The following VWF variants were observed in gnomAD, a reference collection of about 807,000 sequenced individuals.
VWF encodes Factor VIII related antigen.
In VWF, 176 loss-of-function variants were observed where a neutral mutation model predicts 308.6. The observed-to-expected ratio is 0.57, with a 90% CI of 0.50 to 0.65. The LOEUF (loss-of-function observed/expected upper bound fraction) is 0.65, where lower values mean the gene tolerates loss of function less well. VWF is among the 30% of genes least tolerant of loss of function. VWF has a pLI of 0.00. For missense variants in VWF, 3,146 were observed against 3,648.2 expected (o/e 0.86, Z 3.55); for synonymous variants, 1,385 against 1,443.4 (o/e 0.96, Z 0.92).
Position 6,071,314 on chromosome 12 carries a change from C to T in VWF, c.1139G>A (p.Ser380Asn), listed in dbSNP as rs750901816. Residue 380 changes from serine to asparagine, a missense_variant, in exon 10 of 52, where the codon AGC becomes AAC. Ser to Asn is a conservative substitution (Grantham distance 46). Around this residue, in one of 3 missense-constraint regions of VWF, gnomAD observed 1,304 missense variants for 1,353.0 expected, o/e 0.96. Transcript: ENST00000261405. ...CICRNSQWICSNEECPGECLV... is the reference protein window; with the variant it reads ...CICRNSQWICNNEECPGECLV... Reference sequence around the variant, plus strand: ...TCGCCTACCTGGACATTCTTCATTGCTGCAGATCCACTGGCTGTTTCGGCA... The same window carrying T: ...TCGCCTACCTGGACATTCTTCATTGTTGCAGATCCACTGGCTGTTTCGGCA... 7 of 1,614,078 alleles carry T rather than the reference C, an allele frequency of 4.3e-6. No individual in the cohort carries two copies. The highest frequency in any genetic ancestry group is 3.4e-6 in the Non-Finnish European group (4 of 1,180,048).
At chr12:6,056,026 AC>A (rs1944574999) in intron 15 of VWF, among the ~76,000 whole-genome samples, 1 of 151,680 alleles carries the variant, frequency 6.6e-6, no homozygotes, top group South Asian at 2.1e-4. Context: ...CTATGATTCT[AC>A]CATTGGAAAC....
At chr12:6,113,297 C>CTT (rs56714638) in intron 3 of VWF, among the ~76,000 whole-genome samples, 26 of 138,830 alleles carry the variant, frequency 1.9e-4, no homozygotes, top group Admixed American at 3.6e-4. Flanking sequence ...CGTAGAGAAA[C>CTT]TTTTTTTTTT....
At chr12:6,122,205 C>T (rs1311167975) in intron 2 of VWF, among the ~76,000 whole-genome samples, 1 of 152,142 alleles carries the variant, frequency 6.6e-6, no homozygotes, top group African/African-American at 2.4e-5. Context: ...TTATATTTTG[C>T]ATCTGAATGT....
At chr12:5,968,298 C>G in intron 45 of VWF, 131 bp from the exon 46 acceptor site, 2 of 1,136,248 alleles carry the variant, frequency 1.8e-6, no homozygotes, top group Non-Finnish European at 2.5e-6. Context: ...CCCTTTCCCC[C>G]CACCCCACAA....
chr12:5,967,678 T>C, intron 46 of VWF, 76 bp from the exon 47 acceptor site: 1 of 1,303,438 alleles, frequency 7.7e-7, no homozygotes, highest in Non-Finnish European at 1.1e-6. Context: ...ATACCCTGTC[T>C]CCTGCCCACC....
rs373780244 is a variant in VWF at position 6,034,711 on chromosome 12, C to G, written c.2662G>C (p.Glu888Gln). 6 of 1,614,000 alleles carry G rather than the reference C, an allele frequency of 3.7e-6. No homozygotes were observed. In the African/African-American group the frequency reaches 8.0e-5, roughly 22 times the overall value. Reference protein sequence around the residue: ...FDGLKYLFPGECQYVLVQDYC... With the variant: ...FDGLKYLFPGQCQYVLVQDYC... The stretch of plus-strand genomic sequence containing the variant: ...ACCTGCACCAGAACGTACTGGCACT[C>G]CCCGGGGAACAGGTATTTGAGCCCG... Residue 888 changes from glutamate to glutamine, a missense_variant, in exon 20 of 52, where the codon GAG (glutamate) becomes CAG (glutamine). Physicochemically the swap from Glu to Gln is conservative, Grantham distance 29. Coordinates refer to ENST00000261405, the MANE Select transcript of VWF (RefSeq NM_000552.5).
chr12:6,004,786 TAAAG>T (rs1943909382), intron 34 of VWF, among the ~76,000 whole-genome samples: 1 of 151,708 alleles, frequency 6.6e-6, no homozygotes, highest in African/African-American at 2.4e-5. Context: ...AATAAGTAGT[TAAAG>T]AACATAATGG....
intron 27 of VWF, chr12:6,021,524 C>T (rs1205139799): frequency 4.8e-6 from 1 of 206,986 alleles, no homozygotes; most frequent in Non-Finnish European, 9.9e-6. Flanking sequence ...TCTCCTGAGT[C>T]CCCACCTCCA....
At chr12:5,969,123 A>G in intron 45 of VWF, 88 bp downstream of exon 45, 2 of 1,495,858 alleles carry the variant, frequency 1.3e-6, no homozygotes, top group Non-Finnish European at 1.8e-6. Flanking sequence ...TAAGTTGCTA[A>G]AAAGGCAAAG....
chr12:5,966,811 G>A (rs1943409838), intron 47 of VWF, among the ~76,000 whole-genome samples: 1 of 152,236 alleles, frequency 6.6e-6, no homozygotes, highest in East Asian at 1.9e-4. Flanking sequence ...GGGAGCTTGA[G>A]GAAGAAGCCA....
chr12:6,072,193 C>T, intron 9 of VWF, 138 bp downstream of exon 9: 2 of 736,720 alleles, frequency 2.7e-6, no homozygotes, highest in Non-Finnish European at 4.7e-6. Flanking sequence ...CTAGCCCCCA[C>T]CAGTAGCCTC....
intron 3 of VWF, 132 bp downstream of exon 3, chr12:6,121,042 G>T (rs373759696): frequency 1.6e-6 from 2 of 1,282,590 alleles, no homozygotes; most frequent in Middle Eastern, 2.6e-4. Flanking sequence ...CAGAAAGGCT[G>T]TTCCTCTCCT....
In VWF at chr12:6,013,658, A is replaced by C; in HGVS notation, c.5456-13T>G. On this transcript the variant is annotated splice_polypyrimidine_tract_variant and intron_variant, in intron 31 of 51. Transcript: ENST00000261405. ...AACACTGTCACTCCTAGAGTTAGCA[A>C]AGAGACAAGAAAGGATCTGTGGGCA... 6.2e-7 allele frequency: 1 copy of C among 1,612,570 alleles called. No homozygotes were observed. The highest frequency in any genetic ancestry group is 1.1e-5 in the South Asian group (1 of 91,008).
At position 6,020,330 on chromosome 12, in the gene VWF, G is replaced by A. The variant is rs2136414714; in HGVS notation, c.3675-587C>T. ...AGATGAATAAAGATTCAAAACCCCAGCTTTATCTAGCAGAACAAATTATTT... is the reference window on the plus strand; with the variant it reads ...AGATGAATAAAGATTCAAAACCCCAACTTTATCTAGCAGAACAAATTATTT... On this transcript the variant is annotated intron_variant, in intron 27 of 51. Transcript: ENST00000261405. This position sits in a 1 kb window ranked among gnomAD's most constrained non-coding sequence, Gnocchi z 4.3. Among the ~76,000 whole-genome samples, 1 of 152,344 alleles carries A rather than the reference G, an allele frequency of 6.6e-6. No individual in the cohort carries two copies. The highest frequency in any genetic ancestry group is 6.5e-5 in the Admixed American group (1 of 15,306).
At chr12:6,014,494 G>A (rs967495454) in intron 31 of VWF, among the ~76,000 whole-genome samples, 1 of 152,176 alleles carries the variant, frequency 6.6e-6, no homozygotes, top group African/African-American at 2.4e-5. Context: ...GGGGAGGTGT[G>A]ACTCTCGAAG....
chr12:6,103,553 C>CATGTGTATAT (rs1565391355), intron 5 of VWF, among the ~76,000 whole-genome samples: 2 of 98,292 alleles, frequency 2.0e-5, no homozygotes, highest in African/African-American at 4.1e-4. Context: ...TATACACACA[C>CATGTGTATAT]ACACACACAC....
intron 6 of VWF, among the ~76,000 whole-genome samples, chr12:6,092,618 A>AGAGT (rs1301391895): frequency 3.3e-4 from 22 of 66,136 alleles, no homozygotes; most frequent in Admixed American, 1.1e-3. Flanking sequence ...AGTGAGTGAG[A>AGAGT]GTGTGTGTGT....
chr12:5,994,218 A>G lies in VWF; in HGVS notation c.6257-15T>C. On this transcript the variant is annotated splice_polypyrimidine_tract_variant and intron_variant, in intron 36 of 51. Coordinates refer to ENST00000261405, the MANE Select transcript of VWF (RefSeq NM_000552.5). ...ATCACAGATCCCTAGAGAAACAAAC[A>G]AACAAAAAAAAGATAAACTGAGTGG... 1.2e-6 allele frequency: 2 copies of G among 1,613,986 alleles called. No individual in the cohort carries two copies. The highest frequency in any genetic ancestry group is 2.2e-5 in the South Asian group (2 of 91,082).
chr12:5,969,160 A>G (rs377070460), intron 45 of VWF, 51 bp downstream of exon 45: 3 of 1,569,660 alleles, frequency 1.9e-6, no homozygotes, highest in Non-Finnish European at 2.6e-6. Flanking sequence ...GTGGAAAGAG[A>G]GGCTTAAAGG....
Sources: allele counts gnomAD v4.1 joint callset (sites outside exome capture counted in the v4.1 genomes callset), GRCh38; gene constraint gnomAD v4.1.1; regional missense constraint gnomAD v4.1.1; non-coding constraint Gnocchi (gnomAD v3.1); transcripts MANE v1.5; gene names NCBI Gene and HGNC (gene_info 2026-07-23, HGNC 2026-07-21).